Variants in ZFP1 observed in about 807,000 individuals in gnomAD.
ZFP1 encodes the protein ZFP1 zinc finger protein, also known as zinc finger protein 1 homolog.
In ZFP1, 32 loss-of-function variants were observed where a neutral mutation model predicts 38.5. That is an observed-to-expected ratio of 0.83 (90% CI 0.63 to 1.12). ZFP1 has a LOEUF of 1.12. Ranked by LOEUF, ZFP1 falls within the 50% of genes most tolerant of loss-of-function variation. The probability of loss-of-function intolerance (pLI) is 0.00; values close to 1 mark genes in which losing one functional copy is unlikely to be tolerated. For synonymous variants in ZFP1, 245 were observed against 168.8 expected, an observed-to-expected ratio of 1.45 and a Z score of -3.50; for missense variants, 616 against 480.8, an observed-to-expected ratio of 1.28 and a Z score of -2.63.
rs113074240 is a variant in ZFP1, at chr16:75,165,909, G to A, written c.16-861G>A. ...CCACATATCTTTTAGGCTCCTTAATGTACCTTTTGCATTTCAGTTTAGATA... is the reference window on the plus strand; with the variant it reads ...CCACATATCTTTTAGGCTCCTTAATATACCTTTTGCATTTCAGTTTAGATA... On this transcript the variant is annotated intron_variant, in intron 2 of 3. Coordinates refer to ENST00000570010, the MANE Select transcript of ZFP1 (RefSeq NM_153688.4). Among the ~76,000 whole-genome samples the A allele has an allele frequency of 3.4e-3, 522 of 152,102 alleles. 7 individuals carry two copies. Among genetic ancestry groups the A allele is most frequent in the African/African-American group, 0.012 (495 of 41,480 alleles).
chr16:75,139,739 A>C, the ZFP1 span, among the ~76,000 whole-genome samples: 1 of 152,132 alleles, frequency 6.6e-6, no homozygotes, highest in African/African-American at 2.4e-5. Flanking sequence ...ACTTAGAGTC[A>C]TCAAAATTCA....
the ZFP1 span, chr16:75,126,032 A>G: frequency 7.2e-6 from 1 of 138,792 alleles, no homozygotes; most frequent in African/African-American, 2.6e-5. Context: ...CCTGGGCAAC[A>G]GAGCAAAACT....
chr16:75,148,410 A>G (rs2036986991), upstream of ZFP1: 1 of 152,190 alleles, frequency 6.6e-6, no homozygotes, highest in Non-Finnish European at 1.5e-5. Context: ...GCGGCCCCGG[A>G]GGCTTGTGGG....
upstream of ZFP1, among the ~76,000 whole-genome samples, chr16:75,147,914 T>A (rs2036975328): frequency 6.6e-6 from 1 of 152,232 alleles, no homozygotes; most frequent in Non-Finnish European, 1.5e-5. Flanking sequence ...TCTTAAGTGT[T>A]CTCATCAGAC....
chr16:75,158,015 T>G (rs574935514), intron 2 of ZFP1, among the ~76,000 whole-genome samples: 2 of 151,950 alleles, frequency 1.3e-5, no homozygotes, highest in Non-Finnish European at 2.9e-5. Context: ...CTCAAACCCC[T>G]AGGCTTACGA....
chr16:75,166,568 C>G (rs2038094010), intron 2 of ZFP1: 1 of 985,144 alleles, frequency 1.0e-6, no homozygotes, highest in Non-Finnish European at 1.2e-6. Flanking sequence ...TCAAATATGA[C>G]AGTGCCAGAG....
chr16:75,137,096 C>A, the ZFP1 span, among the ~76,000 whole-genome samples: 1 of 151,756 alleles, frequency 6.6e-6, no homozygotes, highest in Admixed American at 6.6e-5. Context: ...GATTTTAGGA[C>A]AAGGGGAAGG....
chr16:75,165,856 C>T (rs2038048615), intron 2 of ZFP1, among the ~76,000 whole-genome samples: 1 of 152,142 alleles, frequency 6.6e-6, no homozygotes, highest in African/African-American at 2.4e-5. Flanking sequence ...ACTCCTGCTG[C>T]AAGTATATTA....
Position 75,158,674 on chromosome 16 carries a change from C to T in ZFP1, c.15+5708C>T, listed in dbSNP as rs561151079. On this transcript the variant is annotated intron_variant, in intron 2 of 3. Transcript: ENST00000570010. ...CAGGCATAGGTGAATTTCAGTGTGT[C>T]ATTTTGCTATTTATTTTTAGTTGTC... Among the ~76,000 whole-genome samples, 7 of 145,708 alleles carry T rather than the reference C, an allele frequency of 4.8e-5. 1 individual carries two copies. The highest frequency in any genetic ancestry group is 1.8e-4 in the African/African-American group (7 of 39,072).
At chr16:75,166,251 T>G (rs879514099) in intron 2 of ZFP1, among the ~76,000 whole-genome samples, 1 of 152,214 alleles carries the variant, frequency 6.6e-6, no homozygotes, top group Non-Finnish European at 1.5e-5. Flanking sequence ...TGTTTATTTT[T>G]TGAGACAGTC....
At chr16:75,137,864 C>A in the ZFP1 span, among the ~76,000 whole-genome samples, 3 of 151,638 alleles carry the variant, frequency 2.0e-5, no homozygotes, top group Admixed American at 2.0e-4. Context: ...TCACTGTACC[C>A]CAAGCTTAGG....
intron 2 of ZFP1, among the ~76,000 whole-genome samples, chr16:75,160,826 A>T (rs1212808040): frequency 6.6e-6 from 1 of 152,040 alleles, no homozygotes; most frequent in African/African-American, 2.4e-5. Context: ...AGAAAGCAAA[A>T]GGGCAAAAAA....
the ZFP1 span, among the ~76,000 whole-genome samples, chr16:75,121,520 G>C: frequency 2.0e-5 from 3 of 152,212 alleles, no homozygotes; most frequent in African/African-American, 4.8e-5. Context: ...TGTAAATTTT[G>C]CTATTTGATT....
chr16:75,167,451 G>A (rs937751898), intron 3 of ZFP1, among the ~76,000 whole-genome samples: 2 of 150,812 alleles, frequency 1.3e-5, no homozygotes, highest in African/African-American at 2.5e-5. Flanking sequence ...CTTGAACCCT[G>A]AAACTTTCCT....
At chr16:75,162,635 T>G (rs1432112104) in intron 2 of ZFP1, among the ~76,000 whole-genome samples, 2 of 152,188 alleles carry the variant, frequency 1.3e-5, no homozygotes, top group Non-Finnish European at 2.9e-5. Context: ...GTAGTGAGAA[T>G]AGTACCCAAT....
chr16:75,134,674 C>G, the ZFP1 span, among the ~76,000 whole-genome samples: 1 of 150,870 alleles, frequency 6.6e-6, no homozygotes, highest in African/African-American at 2.4e-5. Flanking sequence ...ATGGCGTGAA[C>G]CGGGAGGCAG....
Position 75,148,620 on chromosome 16 carries a change from CG to C in ZFP1, c.-66del, listed in dbSNP as rs2145484243. On this transcript the variant is annotated 5_prime_UTR_variant, in exon 1 of 4. Coordinates refer to ENST00000570010, the MANE Select transcript of ZFP1 (RefSeq NM_153688.4). Reference sequence around the variant, plus strand: ...CGTGACCCGCTGTGGCACTGGGCCACGAGTGGAGGCTGCGCCCCTCCAGGTA... The same window carrying C: ...CGTGACCCGCTGTGGCACTGGGCCACAGTGGAGGCTGCGCCCCTCCAGGTA... The C allele has an allele frequency of 6.6e-6, 1 of 152,382 alleles. No homozygotes were observed. The highest frequency in any genetic ancestry group is 1.9e-4 in the East Asian group (1 of 5,170). 9.4% of individuals were successfully genotyped at this position (152,382 alleles called of 1,614,324 possible).
upstream of ZFP1, among the ~76,000 whole-genome samples, chr16:75,148,088 A>G (rs1470218905): frequency 1.3e-5 from 2 of 152,228 alleles, no homozygotes; most frequent in Non-Finnish European, 2.9e-5. Context: ...GTTGCAGCAC[A>G]TGATACCTTT....
At chr16:75,132,273 C>T in the ZFP1 span, among the ~76,000 whole-genome samples, 1 of 151,824 alleles carries the variant, frequency 6.6e-6, no homozygotes, top group Non-Finnish European at 1.5e-5. Flanking sequence ...CCTGTAGTCA[C>T]AGCTACTTGG....
Sources: allele counts gnomAD v4.1 joint callset (sites outside exome capture counted in the v4.1 genomes callset), GRCh38; gene constraint gnomAD v4.1.1; transcripts MANE v1.5; gene names NCBI Gene and HGNC (gene_info 2026-07-23, HGNC 2026-07-21).